TAOK1: variants seen among roughly 807,000 people sequenced by gnomAD.
TAOK1 encodes TAO kinase 1.
TAOK1 carries 21 observed loss-of-function variants against 138.3 expected under a neutral mutation model. That is an observed-to-expected ratio of 0.15 (90% CI 0.11 to 0.22). The LOEUF (loss-of-function observed/expected upper bound fraction) is 0.22, where lower values mean the gene tolerates loss of function less well. Ranked by LOEUF, TAOK1 falls within the 10% of genes least tolerant of loss-of-function variation. The pLI is 1.00. For synonymous variants in TAOK1, 361 were observed against 398.4 expected (o/e 0.91, Z 1.12); for missense variants, 651 against 1,227.7 (o/e 0.53, Z 7.02).
chr17:29,415,730 T>C (rs1905251051), intron 1 of TAOK1, among the ~76,000 whole-genome samples: 1 of 152,220 alleles, frequency 6.6e-6, no homozygotes. Flanking sequence ...ATTTGGTGTT[T>C]CTGTATAATT....
chr17:29,460,565 G>T (rs1418810614), intron 2 of TAOK1, among the ~76,000 whole-genome samples: 1 of 152,202 alleles, frequency 6.6e-6, no homozygotes, highest in African/African-American at 2.4e-5. Flanking sequence ...AACTAAAGAT[G>T]TAATGGGAGA....
rs1334314795 is a variant in TAOK1, at chr17:29,551,383, G to A, written c.*8361G>A. The A allele has an allele frequency of 3.3e-5, 5 of 152,300 alleles. 1 individual carries two copies. The South Asian group carries it at 6.2e-4, about 19-fold the overall frequency. 9.4% of individuals were successfully genotyped at this position (152,300 alleles called of 1,614,324 possible). A position where few individuals can be genotyped will look rare whatever the true frequency, so the allele number is the denominator to read the frequency against. On this transcript the variant is annotated 3_prime_UTR_variant, in exon 20 of 20. Transcript: ENST00000261716. Reference sequence around the variant, plus strand: ...CTCATCTCCCAAACCCCCTGAGCCCGTAGGGTTTTCATAGTGGACAAAGAA... The same window carrying A: ...CTCATCTCCCAAACCCCCTGAGCCCATAGGGTTTTCATAGTGGACAAAGAA...
At chr17:29,521,038 A>G (rs978220607) in intron 16 of TAOK1, among the ~76,000 whole-genome samples, 27 of 152,034 alleles carry the variant, frequency 1.8e-4, no homozygotes, top group Admixed American at 4.6e-4. Context: ...AAAAAAAAAA[A>G]TCTTTTATGT....
In TAOK1 at chr17:29,522,525, G is replaced by A. The variant is rs2031937638; in HGVS notation, c.2148+6G>A. 6.2e-7 allele frequency: 1 copy of A among 1,613,978 alleles called. No individual in the cohort carries two copies. The highest frequency in any genetic ancestry group is 1.3e-5 in the African/African-American group (1 of 74,934). The stretch of plus-strand genomic sequence containing the variant: ...AACAGCCTAAGAGTTTGAAGGTATG[G>A]TTAGCCTAAGCTTTTTGATAACAGG... On this transcript the variant is annotated splice_donor_region_variant and intron_variant, in intron 17 of 19. Transcript: ENST00000261716.
At chr17:29,470,577 G>A (rs1450189256) in intron 3 of TAOK1, among the ~76,000 whole-genome samples, 4 of 152,022 alleles carry the variant, frequency 2.6e-5, no homozygotes, top group African/African-American at 9.7e-5. Flanking sequence ...AAAAATCACT[G>A]AATATGGTAT....
intron 1 of TAOK1, among the ~76,000 whole-genome samples, chr17:29,431,616 G>A (rs542886237): frequency 6.6e-6 from 1 of 151,968 alleles, no homozygotes; most frequent in South Asian, 2.1e-4. Context: ...GGTTTTATAA[G>A]TAAATAAATG....
chr17:29,501,644 C>G (rs1372911227), intron 12 of TAOK1, among the ~76,000 whole-genome samples: 1 of 151,608 alleles, frequency 6.6e-6, no homozygotes, highest in African/African-American at 2.4e-5. Context: ...TTCTGCTACT[C>G]CTATTTAAAA....
In TAOK1 at chr17:29,450,702, G is replaced by A. The variant is rs2030209421; in HGVS notation, c.-94-753G>A. 2.0e-5 allele frequency among the ~76,000 whole-genome samples: 3 copies of A among 152,086 alleles called. 1 individual carries two copies. The South Asian group carries it at 6.2e-4, about 31-fold the overall frequency. ...AATTTTTTAAATTTATTTTTGTAGA[G>A]GCAGGGTCTTACCATATTACCCAGG... is the stretch of plus-strand genomic sequence containing the variant. On this transcript the variant is annotated intron_variant, in intron 1 of 19. Transcript: ENST00000261716.
intron 11 of TAOK1, among the ~76,000 whole-genome samples, chr17:29,496,101 AT>A (rs1018326082): frequency 6.6e-6 from 1 of 150,916 alleles, no homozygotes; most frequent in Non-Finnish European, 1.5e-5. Context: ...TTATTTTTTA[AT>A]TTTTTTGTTT....
intron 2 of TAOK1, among the ~76,000 whole-genome samples, chr17:29,463,721 C>G (rs1334367375): frequency 6.6e-6 from 1 of 152,112 alleles, no homozygotes; most frequent in Non-Finnish European, 1.5e-5. Flanking sequence ...GTGTGAACAA[C>G]AACAACAGGA....
chr17:29,541,911 G>A (rs2032324105), intron 19 of TAOK1, among the ~76,000 whole-genome samples: 1 of 151,420 alleles, frequency 6.6e-6, no homozygotes, highest in African/African-American at 2.4e-5. Context: ...GTCTCGCTCT[G>A]TCGCCCAGGC....
At chr17:29,526,012 G>A (rs1036554934) in intron 17 of TAOK1, among the ~76,000 whole-genome samples, 2 of 152,102 alleles carry the variant, frequency 1.3e-5, no homozygotes, top group South Asian at 4.1e-4. Flanking sequence ...TAAAAATAAT[G>A]TCCGGGCGTG....
At chr17:29,531,216 C>T (rs1049336701) in intron 18 of TAOK1, among the ~76,000 whole-genome samples, 3 of 151,566 alleles carry the variant, frequency 2.0e-5, no homozygotes, top group Non-Finnish European at 4.4e-5. Flanking sequence ...ATCCGCCCGC[C>T]TCGGCCTCCC....
intron 4 of TAOK1, among the ~76,000 whole-genome samples, chr17:29,476,236 G>A (rs1232427649): frequency 6.6e-6 from 1 of 152,186 alleles, no homozygotes; most frequent in Admixed American, 6.5e-5. Context: ...ATTATAAGAA[G>A]TAGAAATTTA....
chr17:29,530,680 C>G (rs536327), intron 18 of TAOK1, 61 bp downstream of exon 18: 2 of 1,355,948 alleles, frequency 1.5e-6, no homozygotes, highest in Non-Finnish European at 2.1e-6. Context: ...ACCACCTGAA[C>G]GAAATCACAG....
intron 1 of TAOK1, chr17:29,404,254 C>T (rs1268306680): frequency 6.6e-6 from 1 of 152,424 alleles, no homozygotes; most frequent in Non-Finnish European, 1.5e-5. Context: ...TCTTGACCTC[C>T]TGGGCTCAAG....
intron 1 of TAOK1, among the ~76,000 whole-genome samples, chr17:29,414,113 G>A (rs1452227045): frequency 6.6e-6 from 1 of 152,070 alleles, no homozygotes; most frequent in Non-Finnish European, 1.5e-5. Context: ...TGAATCTCCT[G>A]ACCTCGTGAT....
rs183298357 is a variant in TAOK1 at position 29,443,129 on chromosome 17, A to G, written c.-94-8326A>G. ...ATTTTACTAAATTGGCTGTTTTCTA[A>G]GCCTGAACACTTTGACTAACAGATG... is the stretch of plus-strand genomic sequence containing the variant. On this transcript the variant is annotated intron_variant, in intron 1 of 19. Coordinates refer to ENST00000261716, the MANE Select transcript of TAOK1 (RefSeq NM_020791.4). Among the ~76,000 whole-genome samples, 18 of 152,308 alleles carry G rather than the reference A, an allele frequency of 1.2e-4. No individual in the cohort carries two copies. The East Asian group carries it at 3.3e-3, about 28-fold the overall frequency.
At chr17:29,441,493 T>G (rs191854981) in intron 1 of TAOK1, among the ~76,000 whole-genome samples, 1 of 152,318 alleles carries the variant, frequency 6.6e-6, no homozygotes, top group Admixed American at 6.5e-5. Flanking sequence ...TTTCTTGAGT[T>G]AGTTTTGGTA....
Sources: allele counts gnomAD v4.1 joint callset (sites outside exome capture counted in the v4.1 genomes callset), GRCh38; gene constraint gnomAD v4.1.1; transcripts MANE v1.5; gene names NCBI Gene and HGNC (gene_info 2026-07-23, HGNC 2026-07-21).